The following WWC2 variants were observed in gnomAD, a reference collection of about 807,000 sequenced individuals.
The protein encoded by WWC2 is WW and C2 domain containing 2.
WWC2 carries 101 observed loss-of-function variants against 138.5 expected under a neutral mutation model. The observed-to-expected ratio is 0.73, with a 90% confidence interval of 0.62 to 0.86. The LOEUF is 0.86. Among genes scored for constraint, WWC2 ranks in the 40% least tolerant of loss-of-function variants. The pLI, the probability that WWC2 is intolerant of heterozygous loss-of-function variation, is 0.00. For missense variants in WWC2, 1,420 were observed against 1,419.4 expected, an observed-to-expected ratio of 1.00 and a Z score of -0.01; for synonymous variants, 558 against 538.4, an observed-to-expected ratio of 1.04 and a Z score of -0.50.
intron 1 of WWC2, among the ~76,000 whole-genome samples, chr4:183,180,964 A>G (rs1240507295): frequency 6.6e-6 from 1 of 152,250 alleles, no homozygotes; most frequent in Non-Finnish European, 1.5e-5. Context: ...ATTTACTACC[A>G]TAAAATATAC....
intron 1 of WWC2, among the ~76,000 whole-genome samples, chr4:183,126,829 A>G (rs7672976): frequency 6.6e-6 from 1 of 151,754 alleles, no homozygotes; most frequent in South Asian, 2.1e-4. Context: ...TCCTGGCTCA[A>G]GTGATCTTTC....
chr4:183,273,518 G>A (rs1373596960), intron 16 of WWC2, among the ~76,000 whole-genome samples: 2 of 152,058 alleles, frequency 1.3e-5, no homozygotes, highest in African/African-American at 2.4e-5. Context: ...TGGTCAGGCT[G>A]GTCTCAAACT....
intron 4 of WWC2, among the ~76,000 whole-genome samples, chr4:183,220,699 TG>T (rs1294675166): frequency 1.5e-4 from 23 of 151,978 alleles, no homozygotes; most frequent in African/African-American, 5.3e-4. Flanking sequence ...CCGGGCGTGG[TG>T]GCGGGCGCCT....
At chr4:183,158,306 C>T (rs1733863439) in intron 1 of WWC2, among the ~76,000 whole-genome samples, 1 of 152,066 alleles carries the variant, frequency 6.6e-6, no homozygotes. Flanking sequence ...TGTAGGGCTG[C>T]CATAACAAAG....
At chr4:183,234,564 T>TA (rs1262631639) in intron 4 of WWC2, among the ~76,000 whole-genome samples, 4 of 152,208 alleles carry the variant, frequency 2.6e-5, no homozygotes, top group African/African-American at 9.6e-5. Flanking sequence ...ATGCCATTAA[T>TA]AACAAAACTT....
chr4:183,314,079 C>T (rs1739353266), intron 22 of WWC2, among the ~76,000 whole-genome samples: 1 of 151,942 alleles, frequency 6.6e-6, no homozygotes, highest in Admixed American at 6.6e-5. Flanking sequence ...GGTCTGGTAC[C>T]AAGCGGGAGG....
At chr4:183,299,719 C>T (rs1738762017) in intron 21 of WWC2, among the ~76,000 whole-genome samples, 1 of 152,180 alleles carries the variant, frequency 6.6e-6, no homozygotes, top group East Asian at 1.9e-4. Flanking sequence ...GGCACACACA[C>T]ACTAACTCTG....
intron 15 of WWC2, chr4:183,270,141 T>C (rs1737652222): frequency 6.6e-6 from 1 of 152,236 alleles, no homozygotes; most frequent in Non-Finnish European, 1.5e-5. Context: ...GAAGCAGAGC[T>C]AACAGACTCG....
rs750399259 is a variant in WWC2, at chr4:183,271,219, C to T, written c.2540C>T (p.Pro847Leu). 1.2e-5 allele frequency: 20 copies of T among 1,610,600 alleles called. No homozygotes were observed. Among genetic ancestry groups the T allele is most frequent in the South Asian group, 8.9e-5 (8 of 90,226 alleles). ...NEDSVFQPNQ[P>L]LVDSIDLDAV... ...GACTCTGTATTTCAACCAAACCAGC[C>T]GTTAGTAGATTCTATAGACTTGGTG... is the stretch of plus-strand genomic sequence containing the variant. Residue 847 changes from proline to leucine, a missense_variant, in exon 16 of 23, where the codon CCG (proline) becomes CTG (leucine). By Grantham distance (98) the Pro-to-Leu change is moderately conservative. Transcript: ENST00000403733.
chr4:183,209,660 C>T (rs1735543946), intron 4 of WWC2, among the ~76,000 whole-genome samples: 1 of 152,174 alleles, frequency 6.6e-6, no homozygotes, highest in Non-Finnish European at 1.5e-5. Context: ...TTTTGTCAGA[C>T]AACCCAATAT....
In WWC2 at chr4:183,312,426, G is replaced by A. The variant is rs143771799; in HGVS notation, c.3470G>A (p.Arg1157Gln). The part of the protein sequence containing the change: ...RQVSKDVCRL[R>Q]EQSQKVPRQV... ...GTCTCCAAGGACGTGTGTCGGCTCC[G>A]GGAGCAGAGCCAGAAGGTGCCTCGG... The change falls in exon 22 of 23, where the codon CGG (arginine) becomes CAG (glutamine). Residue 1157 changes from arginine (R) to glutamine (Q), a missense_variant. Arg to Gln is a conservative substitution (Grantham distance 43). Transcript: ENST00000403733. 2.2e-5 allele frequency: 36 copies of A among 1,613,736 alleles called. No individual in the cohort carries two copies. The highest frequency in any genetic ancestry group is 1.1e-4 in the South Asian group (10 of 91,032).
At chr4:183,260,136 T>G (rs1007332249) in intron 10 of WWC2, among the ~76,000 whole-genome samples, 8 of 151,532 alleles carry the variant, frequency 5.3e-5, no homozygotes, top group African/African-American at 9.8e-5. Flanking sequence ...TTTGTGTGAC[T>G]TCTTTCTTTT....
At chr4:183,299,412 CT>C (rs1238579405) in intron 21 of WWC2, among the ~76,000 whole-genome samples, 5 of 152,170 alleles carry the variant, frequency 3.3e-5, no homozygotes, top group African/African-American at 1.2e-4. Flanking sequence ...GTGAAAAAAG[CT>C]CACAAAACAA....
At chr4:183,255,405 A>C (rs77136517) in intron 9 of WWC2, among the ~76,000 whole-genome samples, 5,151 of 152,236 alleles carry the variant, frequency 0.034, 285 homozygotes, top group African/African-American at 0.12. Context: ...AATTACCCTG[A>C]TGTGTCTAAA....
chr4:183,139,774 A>G lies in WWC2; in HGVS notation c.131+40152A>G, dbSNP rs540970712. Among the ~76,000 whole-genome samples the G allele has an allele frequency of 2.0e-5, 3 of 152,216 alleles. No homozygotes were observed. The East Asian group carries it at 5.8e-4, about 29-fold the overall frequency. On this transcript the variant is annotated intron_variant, in intron 1 of 22. Coordinates refer to ENST00000403733, the MANE Select transcript of WWC2 (RefSeq NM_024949.6). ...CCCTACCCCCGTCATCTGCCACCAT[A>G]TAACGTTAGTTCTCAGAGCAGGGAA...
Position 183,231,038 on chromosome 4 carries a change from G to T in WWC2, c.523-9145G>T, listed in dbSNP as rs997127994. On this transcript the variant is annotated intron_variant, in intron 4 of 22. Coordinates refer to ENST00000403733, the MANE Select transcript of WWC2 (RefSeq NM_024949.6). ...CCTAGCACAACTTTGACATCAAATT[G>T]TGACAAGATTGTATGAACAAAATAT... is the stretch of plus-strand genomic sequence containing the variant. Among the ~76,000 whole-genome samples the T allele has an allele frequency of 3.1e-4, 47 of 152,110 alleles. 2 individuals are homozygous for T. Among genetic ancestry groups the T allele is most frequent in the Admixed American group, 3.0e-3 (46 of 15,274 alleles).
intron 1 of WWC2, among the ~76,000 whole-genome samples, chr4:183,141,952 G>A (rs1018004630): frequency 1.3e-5 from 2 of 152,194 alleles, no homozygotes; most frequent in African/African-American, 2.4e-5. Context: ...TATAGCAGGG[G>A]ACATGTGTTT....
chr4:183,169,437 ATT>A (rs55710913), intron 1 of WWC2, among the ~76,000 whole-genome samples: 1 of 151,626 alleles, frequency 6.6e-6, no homozygotes, highest in Non-Finnish European at 1.5e-5. Context: ...TTTTAAAATA[ATT>A]TTTTTTTTAT....
intron 1 of WWC2, among the ~76,000 whole-genome samples, chr4:183,176,012 A>G (rs538232796): frequency 6.6e-6 from 1 of 152,330 alleles, no homozygotes; most frequent in Admixed American, 6.5e-5. Flanking sequence ...TTCAAACTGA[A>G]TTTGAGTCTA....
Sources: gnomAD v4.1 joint callset for allele counts (sites outside exome capture counted in the v4.1 genomes callset) on GRCh38, gnomAD v4.1.1 for gene constraint, MANE v1.5 for transcripts, NCBI Gene and HGNC (gene_info 2026-07-23, HGNC 2026-07-21) for gene names.